The following ZFHX3 variants were observed in gnomAD, a reference collection of about 807,000 sequenced individuals.
The protein encoded by ZFHX3 is zinc finger homeobox 3, also known as zinc finger homeobox protein 3.
ZFHX3 carries 42 observed loss-of-function variants against 279.1 expected under a neutral mutation model. That is an observed-to-expected ratio of 0.15 (90% CI 0.12 to 0.19). The LOEUF is 0.19. Among genes scored for constraint, ZFHX3 ranks in the 10% least tolerant of loss-of-function variants. The probability of loss-of-function intolerance (pLI) is 1.00; values close to 1 mark genes in which losing one functional copy is unlikely to be tolerated. For missense variants in ZFHX3, 4,981 were observed against 4,754.0 expected, an observed-to-expected ratio of 1.05 and a Z score of -1.40; for synonymous variants, 2,293 against 1,957.8, an observed-to-expected ratio of 1.17 and a Z score of -4.52.
chr16:73,113,943 C>T (rs554567238), intron 7 of ZFHX3, among the ~76,000 whole-genome samples: 1 of 151,794 alleles, frequency 6.6e-6, no homozygotes, highest in Non-Finnish European at 1.5e-5. Flanking sequence ...CTACAGGCAC[C>T]CACTACCATG....
At chr16:73,575,445 G>C (rs190102621) in intron 2 of ZFHX3, among the ~76,000 whole-genome samples, 1 of 152,162 alleles carries the variant, frequency 6.6e-6, no homozygotes, top group African/African-American at 2.4e-5. Context: ...CAGGGTCCAC[G>C]AGAACAGGTC....
intron 5 of ZFHX3, among the ~76,000 whole-genome samples, chr16:73,241,887 T>C (rs1212674032): frequency 6.6e-6 from 1 of 151,258 alleles, no homozygotes; most frequent in Non-Finnish European, 1.5e-5. Flanking sequence ...GATCAGAATC[T>C]CTGCTCTCTT....
In ZFHX3 at chr16:72,798,461, G is replaced by T; in HGVS notation, c.4221C>A (p.Ser1407Arg). 6.2e-7 allele frequency: 1 copy of T among 1,614,228 alleles called. No individual in the cohort carries two copies. The highest frequency in any genetic ancestry group is 8.5e-7 in the Non-Finnish European group (1 of 1,180,026). Residue 1407 changes from serine (S) to arginine (R), a missense_variant, in exon 9 of 10, where the codon AGC (serine) becomes AGA (arginine). Ser to Arg is a moderately radical substitution (Grantham distance 110). Around this residue, in one of 7 missense-constraint regions of ZFHX3, gnomAD observed 1,751 missense variants for 1,770.0 expected, o/e 0.99. Transcript: ENST00000268489. ...HVYKYRCNQC[S>R]LAFKTIEKLQ... ...ACTTTTCAATGGTCTTGAAGGCCAG[G>T]CTACACTGATTACAGCGGTACTTGT... is the stretch of plus-strand genomic sequence containing the variant.
At chr16:73,598,887 C>T (rs1304273668) in intron 2 of ZFHX3, among the ~76,000 whole-genome samples, 2 of 152,154 alleles carry the variant, frequency 1.3e-5, no homozygotes, top group African/African-American at 4.8e-5. Flanking sequence ...CTCAGCCTAC[C>T]GAGTAGCTGG....
intron 1 of ZFHX3, among the ~76,000 whole-genome samples, chr16:73,807,620 ATTTTTTT>A (rs55806545): frequency 1.3e-4 from 9 of 70,546 alleles, no homozygotes; most frequent in Admixed American, 3.8e-4. Context: ...CCATGCCCCA[ATTTTTTT>A]TTTTTTTTTT....
chr16:73,577,849 T>C (rs2143817666), intron 2 of ZFHX3, among the ~76,000 whole-genome samples: 1 of 152,334 alleles, frequency 6.6e-6, no homozygotes, highest in African/African-American at 2.4e-5. Flanking sequence ...AGCAAAATCA[T>C]TTGTATGGAA....
chr16:72,957,854 C>A lies in ZFHX3; in HGVS notation c.2292G>T (p.Gln764His). 6.2e-7 allele frequency: 1 copy of A among 1,613,930 alleles called. No homozygotes were observed. The highest frequency in any genetic ancestry group is 8.5e-7 in the Non-Finnish European group (1 of 1,180,006). The change falls in exon 2 of 10, where the codon CAG becomes CAT. Residue 764 changes from glutamine to histidine, a missense_variant. Around this residue, in one of 7 missense-constraint regions of ZFHX3, gnomAD observed 1,751 missense variants for 1,770.0 expected, o/e 0.99. Transcript: ENST00000268489. Reference sequence around the variant, plus strand: ...CCGCCCCGGCAGTGTGGCTGAAGACCTGCTCCCCCCCTCCATTCTGCAGGT... The same window carrying A: ...CCGCCCCGGCAGTGTGGCTGAAGACATGCTCCCCCCCTCCATTCTGCAGGT... ...MQNLQNGGGE[Q>H]VFSHTAGAAA...
In ZFHX3 at chr16:73,266,984, T is replaced by C. The variant is rs558267409; in HGVS notation, c.-1193-9848A>G. ...TGGGTACTGCAAGGCAGAAAGGAGA[T>C]GTGAACCTAGATATATTGACTCCAA... On this transcript the variant is annotated intron_variant, in intron 4 of 17. Coordinates refer to the ZFHX3 transcript ENST00000641206. Among the ~76,000 whole-genome samples the C allele has an allele frequency of 1.4e-4, 22 of 152,330 alleles. 1 individual carries two copies. Among genetic ancestry groups the C allele is most frequent in the Non-Finnish European group, 1.6e-4 (11 of 68,030 alleles).
At position 72,788,734 on chromosome 16, in the gene ZFHX3, G is replaced by A. The variant is rs1019157116; in HGVS notation, c.9542C>T (p.Pro3181Leu). 4 of 1,599,306 alleles carry A rather than the reference G, an allele frequency of 2.5e-6. No individual in the cohort carries two copies. Among genetic ancestry groups the A allele is most frequent in the Non-Finnish European group, 3.4e-6 (4 of 1,173,214 alleles). The stretch of plus-strand genomic sequence containing the variant: ...CGCCATCGTGGCTTGTGCTGGGGTT[G>A]GGGAGCTCAGCGACGCTGAGGACGG... ...NKPSSASLSS[P>L]TPAQATMAMG... The change falls in exon 10 of 10, where the codon CCA becomes CTA. Residue 3181 changes from proline (P) to leucine (L), a missense_variant. Around this residue, in one of 7 missense-constraint regions of ZFHX3, gnomAD observed 1,034 missense variants for 786.0 expected, o/e 1.32. Transcript: ENST00000268489.
At chr16:73,804,933 G>A (rs1376798271) in intron 1 of ZFHX3, among the ~76,000 whole-genome samples, 7 of 128,492 alleles carry the variant, frequency 5.4e-5, no homozygotes, top group Non-Finnish European at 1.0e-4. Flanking sequence ...AGGGAGGGAG[G>A]GAGAGAGGGA....
chr16:73,527,320 T>A (rs2019713209), intron 2 of ZFHX3, among the ~76,000 whole-genome samples: 1 of 152,172 alleles, frequency 6.6e-6, no homozygotes, highest in African/African-American at 2.4e-5. Flanking sequence ...TTGCATTCTG[T>A]CAAAAAGGAG....
intron 3 of ZFHX3, among the ~76,000 whole-genome samples, chr16:73,406,999 C>G (rs150499376): frequency 6.6e-6 from 1 of 152,258 alleles, no homozygotes; most frequent in East Asian, 1.9e-4. Context: ...ATGCCCTCCT[C>G]CAAGGGTGGC....
At chr16:73,182,218 A>T (rs1181257513) in intron 5 of ZFHX3, among the ~76,000 whole-genome samples, 1 of 152,236 alleles carries the variant, frequency 6.6e-6, no homozygotes, top group Non-Finnish European at 1.5e-5. Context: ...GCACTTTGGG[A>T]GGCCAAGGCG....
chr16:72,859,336 T>C (rs1195527558), intron 4 of ZFHX3, among the ~76,000 whole-genome samples: 3 of 152,190 alleles, frequency 2.0e-5, no homozygotes, highest in Admixed American at 2.0e-4. Context: ...ATTCCATTCT[T>C]TGTGGGTGGA....
Position 72,794,985 on chromosome 16 carries a change from A to C in ZFHX3, c.7697T>G (p.Leu2566Trp). ...GAAAGGCATATCCAGGGACCTGTCC[A>C]AAAACTGGGGGTGGATGAACTGGTT... ...AQNQFIHPQF[L>W]DRSLDMPFML... Residue 2566 changes from leucine (L) to tryptophan (W), a missense_variant, in exon 9 of 10, where the codon TTG becomes TGG. Around this residue, in one of 7 missense-constraint regions of ZFHX3, gnomAD observed 744 missense variants for 701.3 expected, o/e 1.06. Coordinates refer to ENST00000268489, the MANE Select transcript of ZFHX3 (RefSeq NM_006885.4). The surrounding 1 kb of genome is among the most constrained non-coding windows in gnomAD (Gnocchi z 4.2). 6.2e-7 allele frequency: 1 copy of C among 1,614,180 alleles called. No individual in the cohort carries two copies. The highest frequency in any genetic ancestry group is 8.5e-7 in the Non-Finnish European group (1 of 1,180,034).
chr16:73,226,492 A>T (rs2012595643), intron 5 of ZFHX3, among the ~76,000 whole-genome samples: 1 of 152,256 alleles, frequency 6.6e-6, no homozygotes, highest in South Asian at 2.1e-4. Context: ...TCCTATGAGC[A>T]CGTATGAAAG....
intron 2 of ZFHX3, among the ~76,000 whole-genome samples, chr16:73,590,001 G>C (rs923957213): frequency 6.6e-6 from 1 of 152,132 alleles, no homozygotes; most frequent in Admixed American, 6.6e-5. Flanking sequence ...ACTGTTTTCA[G>C]TAATTGTATT....
At chr16:73,254,990 G>T (rs1410239153) in intron 5 of ZFHX3, among the ~76,000 whole-genome samples, 1 of 152,076 alleles carries the variant, frequency 6.6e-6, no homozygotes, top group Non-Finnish European at 1.5e-5. Context: ...CTAGTGTCAG[G>T]AACTATGCAC....
chr16:73,798,662 C>T (rs1960064846), intron 1 of ZFHX3, among the ~76,000 whole-genome samples: 1 of 152,164 alleles, frequency 6.6e-6, no homozygotes, highest in South Asian at 2.1e-4. Flanking sequence ...CTGAGCTCCT[C>T]AGCTCTGTTG....
Sources: gnomAD v4.1 joint callset for allele counts (sites outside exome capture counted in the v4.1 genomes callset) on GRCh38, gnomAD v4.1.1 for gene constraint, gnomAD v4.1.1 regional missense constraint, Gnocchi (gnomAD v3.1) non-coding constraint, MANE v1.5 for transcripts, NCBI Gene and HGNC (gene_info 2026-07-23, HGNC 2026-07-21) for gene names.